TAF15: variants seen among roughly 807,000 people sequenced by gnomAD.
The protein encoded by TAF15 is TATA-box binding protein associated factor 15, also known as TATA-binding protein-associated factor 2N.
A neutral mutation model predicts 102.5 loss-of-function variants in TAF15; 37 were observed. The observed-to-expected ratio is 0.36, with a 90% CI of 0.28 to 0.47. The LOEUF (loss-of-function observed/expected upper bound fraction) is 0.47. Among genes scored for constraint, TAF15 ranks in the 20% least tolerant of loss-of-function variants. The pLI is 0.99. For synonymous variants in TAF15, 273 were observed against 259.2 expected (o/e 1.05, Z -0.51); for missense variants, 652 against 760.7 (o/e 0.86, Z 1.68).
intron 8 of TAF15, 135 bp from the exon 9 acceptor site, chr17:35,834,431 G>T (rs912345659): frequency 3.8e-5 from 28 of 739,898 alleles, no homozygotes; most frequent in Non-Finnish European, 5.9e-5. Flanking sequence ...TATTTACTTT[G>T]TAAATCTGTG....
chr17:35,809,812 C>T (rs1022218704), intron 1 of TAF15: 7 of 612,808 alleles, frequency 1.1e-5, no homozygotes, highest in African/African-American at 5.6e-5. Context: ...TGACCCTGTC[C>T]TTGGAACCCG....
chr17:35,843,997 A>T (rs1313213999), intron 12 of TAF15, 80 bp from the exon 13 acceptor site: 3 of 1,220,704 alleles, frequency 2.5e-6, no homozygotes, highest in Non-Finnish European at 3.6e-6. Context: ...ATGGGTATCT[A>T]CTCTTATGTT....
chr17:35,829,396 G>A (rs895706462), intron 7 of TAF15, among the ~76,000 whole-genome samples: 4 of 150,934 alleles, frequency 2.7e-5, no homozygotes, highest in African/African-American at 7.3e-5. Flanking sequence ...ACTTTGGGAG[G>A]CCGAGACGGG....
intron 7 of TAF15, among the ~76,000 whole-genome samples, chr17:35,831,703 TAA>T (rs1392432435): frequency 1.3e-5 from 2 of 152,270 alleles, no homozygotes; most frequent in African/African-American, 2.4e-5. Flanking sequence ...TTTCCCATTT[TAA>T]AAGTCATCTT....
intron 1 of TAF15, among the ~76,000 whole-genome samples, chr17:35,812,583 C>CAAA (rs34497840): frequency 0.053 from 3,484 of 66,112 alleles, 75 homozygotes; most frequent in South Asian, 0.12. Context: ...AACTCTATCT[C>CAAA]AAAAAAAAAA....
Position 35,824,159 on chromosome 17 carries a change from G to A in TAF15, c.566G>A (p.Gly189Glu). 6.2e-7 allele frequency: 1 copy of A among 1,614,016 alleles called. No homozygotes were observed. The highest frequency in any genetic ancestry group is 8.5e-7 in the Non-Finnish European group (1 of 1,180,010). Residue 189 changes from glycine (G) to glutamate (E), a missense_variant, in exon 7 of 16, where the codon GGA becomes GAA. Transcript: ENST00000605844. ...GSQGGGRGRGGYDKDGRGPMT... is the reference protein window; with the variant it reads ...GSQGGGRGRGEYDKDGRGPMT... Reference sequence around the variant, plus strand: ...CAGGGAGGAGGTAGAGGGCGTGGGGGATATGACAAGGATGGAAGAGGTCCT... The same window carrying A: ...CAGGGAGGAGGTAGAGGGCGTGGGGAATATGACAAGGATGGAAGAGGTCCT...
chr17:35,825,767 T>C (rs538794205), intron 7 of TAF15, among the ~76,000 whole-genome samples: 1 of 152,032 alleles, frequency 6.6e-6, no homozygotes, highest in Admixed American at 6.6e-5. Flanking sequence ...GCCAACACAG[T>C]GAAACCCCGT....
chr17:35,827,225 A>T (rs1319630533), intron 7 of TAF15, among the ~76,000 whole-genome samples: 1 of 151,506 alleles, frequency 6.6e-6, no homozygotes, highest in African/African-American at 2.4e-5. Context: ...AGTCCCAGCT[A>T]CCCTGGAGGC....
At chr17:35,834,153 A>G (rs560189097) in intron 8 of TAF15, 9 of 361,994 alleles carry the variant, frequency 2.5e-5, no homozygotes, top group Admixed American at 2.1e-4. Context: ...AAACAGTCCA[A>G]TGGGTTTTCT....
chr17:35,823,442 G>C (rs1342846352), intron 6 of TAF15, among the ~76,000 whole-genome samples: 2 of 152,080 alleles, frequency 1.3e-5, no homozygotes, highest in African/African-American at 4.8e-5. Flanking sequence ...GCTCACGCCT[G>C]TAATCCCAGC....
chr17:35,839,488 T>TCTC (rs1215348470), intron 11 of TAF15, among the ~76,000 whole-genome samples: 1 of 146,160 alleles, frequency 6.8e-6, no homozygotes, highest in Non-Finnish European at 1.5e-5. Flanking sequence ...TTCACACCAT[T>TCTC]CTCCTGCCTC....
At chr17:35,820,725 T>C (rs965611678) in intron 5 of TAF15, among the ~76,000 whole-genome samples, 2 of 152,152 alleles carry the variant, frequency 1.3e-5, no homozygotes, top group African/African-American at 4.8e-5. Flanking sequence ...TAAAAACCTG[T>C]CTTTAGAATT....
intron 10 of TAF15, among the ~76,000 whole-genome samples, chr17:35,837,777 A>C (rs923914439): frequency 3.3e-5 from 5 of 151,530 alleles, no homozygotes; most frequent in African/African-American, 1.2e-4. Flanking sequence ...CAGTGAGCCG[A>C]GATTGTGCCA....
At position 35,847,188 on chromosome 17, in the gene TAF15, GAA is replaced by G. The variant is rs2087634231; in HGVS notation, c.*246_*247del. On this transcript the variant is annotated 3_prime_UTR_variant, in exon 16 of 16. Transcript: ENST00000605844. ...ATGCGTTGTAAAATATTGCCAAAAT[GAA>G]AAGTGTTTTGTAATACTGCAATAAA... is the stretch of plus-strand genomic sequence containing the variant. The G allele has an allele frequency of 3.3e-6, 2 of 608,470 alleles. No individual in the cohort carries two copies. Among genetic ancestry groups the G allele is most frequent in the East Asian group, 5.5e-5 (2 of 36,530 alleles). 37.7% of individuals were successfully genotyped at this position (608,470 alleles called of 1,614,324 possible). A position where few individuals can be genotyped will look rare whatever the true frequency, so the allele number is the denominator to read the frequency against.
At chr17:35,840,533 C>G (rs1598549028) in intron 11 of TAF15, among the ~76,000 whole-genome samples, 2 of 150,694 alleles carry the variant, frequency 1.3e-5, no homozygotes, top group Middle Eastern at 3.4e-3. Context: ...ATTACAGGCG[C>G]TCACCACCGC....
intron 12 of TAF15, 119 bp downstream of exon 12, chr17:35,842,578 T>A (rs540264212): frequency 1.3e-6 from 1 of 784,828 alleles, no homozygotes. Context: ...TCTTTTTCCC[T>A]CTATCTTAAA....
At chr17:35,829,651 AAAAAAG>A (rs1275960485) in intron 7 of TAF15, among the ~76,000 whole-genome samples, 11 of 146,346 alleles carry the variant, frequency 7.5e-5, no homozygotes, top group East Asian at 2.0e-4. Context: ...AAAAAAAAAA[AAAAAAG>A]AGAGAGAGAG....
At chr17:35,833,243 C>T (rs1324186934) in intron 7 of TAF15, among the ~76,000 whole-genome samples, 1 of 151,998 alleles carries the variant, frequency 6.6e-6, no homozygotes, top group African/African-American at 2.4e-5. Context: ...CATGTGGCAG[C>T]ATGAACCTCC....
chr17:35,842,035 T>G (rs1039098665), intron 11 of TAF15, among the ~76,000 whole-genome samples: 1 of 152,106 alleles, frequency 6.6e-6, no homozygotes, highest in African/African-American at 2.4e-5. Flanking sequence ...TTCCCCAGGC[T>G]GGTCTCGTGC....
Sources: allele counts gnomAD v4.1 joint callset (sites outside exome capture counted in the v4.1 genomes callset), GRCh38; gene constraint gnomAD v4.1.1; transcripts MANE v1.5; gene names NCBI Gene and HGNC (gene_info 2026-07-23, HGNC 2026-07-21).